PID1: variants seen among roughly 807,000 people sequenced by gnomAD.
PID1 encodes phosphotyrosine interaction domain containing 1, also known as PTB-containing, cubilin and LRP1-interacting protein.
In PID1, 10 loss-of-function variants were observed where a neutral mutation model predicts 19.1. The ratio of observed to expected loss-of-function variants is 0.52; its 90% CI spans 0.32 to 0.89. The LOEUF is 0.89. Among genes scored for constraint, PID1 ranks in the 40% least tolerant of loss-of-function variants. The pLI, the probability that PID1 is intolerant of heterozygous loss-of-function variation, is 0.03. For synonymous variants in PID1, 130 were observed against 116.0 expected (o/e 1.12, Z -0.78); for missense variants, 248 against 285.3 (o/e 0.87, Z 0.94).
chr2:229,104,974 C>G (rs1049173066), intron 2 of PID1, among the ~76,000 whole-genome samples: 4 of 152,130 alleles, frequency 2.6e-5, no homozygotes, highest in Non-Finnish European at 5.9e-5. Flanking sequence ...CAAATGTTCC[C>G]AGAGACAAAC....
chr2:229,107,957 G>A (rs1413745965), intron 2 of PID1, among the ~76,000 whole-genome samples: 1 of 152,142 alleles, frequency 6.6e-6, no homozygotes, highest in Non-Finnish European at 1.5e-5. Context: ...AAAGGCTGTG[G>A]AATTTTGCCA....
chr2:229,255,824 C>A lies in PID1; in HGVS notation c.30+15190G>T, dbSNP rs887616020. 2.6e-5 allele frequency among the ~76,000 whole-genome samples: 4 copies of A among 152,248 alleles called. No homozygotes were observed. The South Asian group carries it at 8.3e-4, about 32-fold the overall frequency. ...GCCCCAACACTTCTAGTTTCTATGC[C>A]TTGGTTTACCCAGGAGACAAGCAAT... On this transcript the variant is annotated intron_variant, in intron 1 of 2. Coordinates refer to ENST00000392055, the MANE Select transcript of PID1 (RefSeq NM_001100818.2).
At chr2:229,198,651 T>C (rs2106238096) in intron 1 of PID1, among the ~76,000 whole-genome samples, 1 of 152,206 alleles carries the variant, frequency 6.6e-6, no homozygotes, top group South Asian at 2.1e-4. Flanking sequence ...ACCATTCAGC[T>C]ATTTGTTTCA....
At chr2:229,243,572 T>C (rs1451896589) in intron 1 of PID1, among the ~76,000 whole-genome samples, 1 of 152,120 alleles carries the variant, frequency 6.6e-6, no homozygotes, top group African/African-American at 2.4e-5. Context: ...CAAGAAACAT[T>C]TGTTGAATTA....
chr2:229,152,327 C>A (rs1347101060), intron 2 of PID1, among the ~76,000 whole-genome samples: 2 of 152,198 alleles, frequency 1.3e-5, no homozygotes, highest in Non-Finnish European at 2.9e-5. Context: ...CTGATACTCA[C>A]ACAAGTTTCA....
In PID1 at chr2:229,107,646, T is replaced by C. The variant is rs150962809; in HGVS notation, c.177+48172A>G. Among the ~76,000 whole-genome samples the C allele has an allele frequency of 3.3e-4, 51 of 152,328 alleles. No individual in the cohort carries two copies. In the East Asian group the frequency reaches 6.9e-3, roughly 21 times the overall value. On this transcript the variant is annotated intron_variant, in intron 2 of 2. Transcript: ENST00000392055. ...ATATGAGTTTTACTTGGGTTTCTTATAATCAAGTTGTCGACGGTGCTTTTA... is the reference window on the plus strand; with the variant it reads ...ATATGAGTTTTACTTGGGTTTCTTACAATCAAGTTGTCGACGGTGCTTTTA...
chr2:229,135,610 T>A (rs1689843642), intron 2 of PID1, among the ~76,000 whole-genome samples: 2 of 152,074 alleles, frequency 1.3e-5, no homozygotes, highest in Admixed American at 6.6e-5. Flanking sequence ...AAGGTTCAGA[T>A]AAAATTACAG....
chr2:229,210,390 G>A (rs1304069784), intron 1 of PID1, among the ~76,000 whole-genome samples: 4 of 137,880 alleles, frequency 2.9e-5, no homozygotes, highest in African/African-American at 1.0e-4. Flanking sequence ...GCAGGCACCT[G>A]TAGTCCCAGC....
chr2:229,216,384 T>C (rs887630), intron 1 of PID1, among the ~76,000 whole-genome samples: 150,755 of 152,280 alleles, frequency 0.99, 74,632 homozygotes, highest in East Asian at 1. Context: ...GCATCATTGT[T>C]TTGGGTGTTC....
chr2:229,251,667 T>C (rs1017261179), intron 1 of PID1, among the ~76,000 whole-genome samples: 5 of 152,198 alleles, frequency 3.3e-5, no homozygotes, highest in Non-Finnish European at 5.9e-5. Flanking sequence ...TCACACATTT[T>C]CATATTTACC....
At chr2:229,132,560 T>G (rs1574654246) in intron 2 of PID1, among the ~76,000 whole-genome samples, 2 of 152,218 alleles carry the variant, frequency 1.3e-5, no homozygotes, top group South Asian at 4.1e-4. Context: ...TCATACATAC[T>G]ATTTTGAATT....
At chr2:229,193,534 G>C (rs745996631) in intron 1 of PID1, among the ~76,000 whole-genome samples, 30 of 152,164 alleles carry the variant, frequency 2.0e-4, no homozygotes, top group Non-Finnish European at 3.8e-4. Context: ...AAATTTTCAA[G>C]CATTGTTAGT....
At chr2:229,251,682 G>A (rs1393271420) in intron 1 of PID1, among the ~76,000 whole-genome samples, 5 of 151,980 alleles carry the variant, frequency 3.3e-5, no homozygotes, top group Admixed American at 6.6e-5. Context: ...TTTACCATTA[G>A]GCATTAAAAG....
intron 1 of PID1, among the ~76,000 whole-genome samples, chr2:229,207,046 C>T (rs1479240805): frequency 2.0e-5 from 3 of 152,060 alleles, no homozygotes; most frequent in East Asian, 3.9e-4. Context: ...CTTCGTAGAC[C>T]AATAGCTTGG....
chr2:229,105,028 G>C (rs1459402387), intron 2 of PID1, among the ~76,000 whole-genome samples: 6 of 152,216 alleles, frequency 3.9e-5, no homozygotes, highest in Admixed American at 3.9e-4. Flanking sequence ...AGAATTTGTG[G>C]TGCGTCAGTT....
At chr2:229,187,107 C>T (rs1691149159) in intron 1 of PID1, among the ~76,000 whole-genome samples, 1 of 152,168 alleles carries the variant, frequency 6.6e-6, no homozygotes, top group African/African-American at 2.4e-5. Context: ...TCAGCCTGGA[C>T]CTTATTGTTC....
At chr2:229,131,391 T>G (rs528664596) in intron 2 of PID1, among the ~76,000 whole-genome samples, 1 of 152,074 alleles carries the variant, frequency 6.6e-6, no homozygotes, top group South Asian at 2.1e-4. Flanking sequence ...CCACCACACC[T>G]GGCTAATTTT....
intron 1 of PID1, among the ~76,000 whole-genome samples, chr2:229,185,069 T>TATATATCCTGC (rs75302836): frequency 7.2e-6 from 1 of 139,800 alleles, no homozygotes; most frequent in Admixed American, 7.5e-5. Flanking sequence ...ATCCTCCATA[T>TATATATCCTGC]ATATATATCC....
intron 1 of PID1, among the ~76,000 whole-genome samples, chr2:229,263,755 A>G (rs1444573527): frequency 6.6e-6 from 1 of 152,224 alleles, no homozygotes; most frequent in Non-Finnish European, 1.5e-5. Flanking sequence ...CTTTTCATAT[A>G]AAACAAAATG....
Sources: gnomAD v4.1 joint callset for allele counts (sites outside exome capture counted in the v4.1 genomes callset) on GRCh38, gnomAD v4.1.1 for gene constraint, MANE v1.5 for transcripts, NCBI Gene and HGNC (gene_info 2026-07-23, HGNC 2026-07-21) for gene names.